The following STIM2 variants were observed in gnomAD, a reference collection of about 807,000 sequenced individuals.
The protein encoded by STIM2 is stromal interaction molecule 2.
Under a neutral mutation model 85.8 loss-of-function variants are expected in STIM2, and 31 were observed. That is an observed-to-expected ratio of 0.36 (90% CI 0.27 to 0.49). STIM2 has a LOEUF of 0.49. STIM2 is among the 20% of genes least tolerant of loss of function. The pLI is 0.98. For missense variants in STIM2, 841 were observed against 927.6 expected (o/e 0.91, Z 1.21); for synonymous variants, 356 against 331.1 (o/e 1.08, Z -0.82).
intron 2 of STIM2, among the ~76,000 whole-genome samples, chr4:26,944,126 A>G (rs1725723050): frequency 6.6e-6 from 1 of 152,056 alleles, no homozygotes; most frequent in Admixed American, 6.6e-5. Flanking sequence ...TGTTTTTATA[A>G]TTATTGTTTT....
At chr4:26,948,766 A>C (rs77538515) in intron 2 of STIM2, among the ~76,000 whole-genome samples, 2,558 of 152,156 alleles carry the variant, frequency 0.017, 78 homozygotes, top group African/African-American at 0.059. Flanking sequence ...TAAATTATGT[A>C]TTACTAATTC....
chr4:26,994,495 A>G (rs1727885453), intron 3 of STIM2, among the ~76,000 whole-genome samples: 1 of 152,130 alleles, frequency 6.6e-6, no homozygotes, highest in Admixed American at 6.6e-5. Flanking sequence ...CTAGGCAATT[A>G]TATAAGGAAT....
intron 7 of STIM2, among the ~76,000 whole-genome samples, chr4:27,006,302 T>A (rs1728329978): frequency 6.6e-6 from 1 of 152,222 alleles, no homozygotes; most frequent in Admixed American, 6.5e-5. Context: ...GCTGTTCTAT[T>A]TCTTTATCAG....
intron 3 of STIM2, among the ~76,000 whole-genome samples, chr4:26,985,155 T>C (rs1355413881): frequency 6.6e-6 from 1 of 152,198 alleles, no homozygotes; most frequent in African/African-American, 2.4e-5. Context: ...ATCTAAAGTC[T>C]CGTTCAGAAG....
intron 2 of STIM2, among the ~76,000 whole-genome samples, chr4:26,938,593 A>G (rs1725478556): frequency 6.6e-6 from 1 of 152,200 alleles, no homozygotes; most frequent in Non-Finnish European, 1.5e-5. Flanking sequence ...GTCACTGATC[A>G]CATAGTCTCA....
intron 3 of STIM2, among the ~76,000 whole-genome samples, chr4:26,975,305 T>C (rs1012122243): frequency 3.3e-5 from 5 of 152,232 alleles, no homozygotes; most frequent in Non-Finnish European, 2.9e-5. Flanking sequence ...TGCAATCCTT[T>C]GGAGGAGAAG....
intron 1 of STIM2, among the ~76,000 whole-genome samples, chr4:26,893,574 G>A (rs1375748029): frequency 6.6e-6 from 1 of 152,086 alleles, no homozygotes; most frequent in African/African-American, 2.4e-5. Context: ...TTTGTTTCTA[G>A]TTTTGACCTT....
Position 26,861,007 on chromosome 4 carries a change from C to G in STIM2, c.-212C>G. ...CCGGAGGCCGCCGGTGCCGATGGGA[C>G]CAGGCTGGCGCCCGGCGGGAGCCCG... On this transcript the variant is annotated 5_prime_UTR_variant, in exon 1 of 12. Coordinates refer to ENST00000467087, the MANE Select transcript of STIM2 (RefSeq NM_020860.4). 1 of 1,275,428 alleles carries G rather than the reference C, an allele frequency of 7.8e-7. No homozygotes were observed. Among genetic ancestry groups the G allele is most frequent in the South Asian group, 1.6e-5 (1 of 63,028 alleles). The allele number at this position is 1,275,428 out of a possible 1,614,324, so 79.0% of individuals were successfully genotyped here.
Position 27,002,352 on chromosome 4 carries a change from G to A in STIM2, c.761G>A (p.Ser254Asn). 1.2e-6 allele frequency: 2 copies of A among 1,612,556 alleles called. No individual in the cohort carries two copies. The highest frequency in any genetic ancestry group is 1.7e-6 in the Non-Finnish European group (2 of 1,179,586). The change falls in exon 6 of 12, where the codon AGC becomes AAC. Residue 254 changes from serine (S) to asparagine (N), a missense_variant. By Grantham distance (46) the Ser-to-Asn change is conservative. This residue lies in a region of STIM2 where 408 missense variants were observed against 525.4 expected (regional missense o/e 0.78). Transcript: ENST00000467087. ...GCAAAAATGATGAAAGATTTAGAGA[G>A]CTTACAAACTGCAGAGCAAAGTCTA... is the stretch of plus-strand genomic sequence containing the variant.
Position 27,022,664 on chromosome 4 carries a change from C to T in STIM2, c.1909C>T (p.Arg637Ter). The change falls in exon 12 of 12, where the codon CGA (arginine) becomes TGA (stop). Residue 637 changes from arginine to a stop codon, truncating the protein, a stop_gained. Coordinates refer to ENST00000467087, the MANE Select transcript of STIM2 (RefSeq NM_020860.4). LOFTEE classifies it high-confidence loss of function. ...TGAGGTGTCCCTAGAGGATTCCTCCCGAGGGGATTCGCCTGTAACTGTGGA... is the reference window on the plus strand; with the variant it reads ...TGAGGTGTCCCTAGAGGATTCCTCCTGAGGGGATTCGCCTGTAACTGTGGA... The T allele has an allele frequency of 8.1e-6, 13 of 1,614,170 alleles. No individual in the cohort carries two copies. The highest frequency in any genetic ancestry group is 1.0e-5 in the Non-Finnish European group (12 of 1,180,032).
chr4:26,967,356 G>A lies in STIM2; in HGVS notation c.397+9630G>A, dbSNP rs77355012. 4.5e-3 allele frequency among the ~76,000 whole-genome samples: 682 copies of A among 152,256 alleles called. 4 individuals are homozygous for A. Among genetic ancestry groups the A allele is most frequent in the Non-Finnish European group, 7.5e-3 (508 of 68,022 alleles). On this transcript the variant is annotated intron_variant, in intron 3 of 11. Transcript: ENST00000467087. ...AAGGAAAGGGAGAGAGTAGCCTTGG[G>A]GAAGACTGGCATTAAGGCAAAGGCA... is the stretch of plus-strand genomic sequence containing the variant.
At chr4:26,875,780 C>T (rs920768657) in intron 1 of STIM2, among the ~76,000 whole-genome samples, 1 of 152,078 alleles carries the variant, frequency 6.6e-6, no homozygotes, top group African/African-American at 2.4e-5. Flanking sequence ...AATTGAAAAA[C>T]AGACCTTTGG....
In STIM2 at chr4:26,938,972, A is replaced by G. The variant is rs180789013; in HGVS notation, c.283-18640A>G. On this transcript the variant is annotated intron_variant, in intron 2 of 11. Coordinates refer to ENST00000467087, the MANE Select transcript of STIM2 (RefSeq NM_020860.4). Reference sequence around the variant, plus strand: ...TTCAGTTTTGAGCCGTGGAAGCTGAAAGAGGCTCTCTGCATACATTCTTGA... The same window carrying G: ...TTCAGTTTTGAGCCGTGGAAGCTGAGAGAGGCTCTCTGCATACATTCTTGA... 4.5e-3 allele frequency among the ~76,000 whole-genome samples: 690 copies of G among 152,206 alleles called. 8 individuals are homozygous for G. The highest frequency in any genetic ancestry group is 0.016 in the African/African-American group (669 of 41,514).
chr4:26,881,686 A>G (rs1723021691), intron 1 of STIM2: 1 of 152,330 alleles, frequency 6.6e-6, no homozygotes, highest in East Asian at 1.9e-4. Flanking sequence ...GTGGACTAAG[A>G]CAAGTTGCAA....
At chr4:26,943,366 A>G (rs547503905) in intron 2 of STIM2, among the ~76,000 whole-genome samples, 1 of 152,232 alleles carries the variant, frequency 6.6e-6, no homozygotes, top group South Asian at 2.1e-4. Flanking sequence ...GCTTGTGTGT[A>G]TGTTTAGTAT....
At chr4:26,950,557 C>A (rs1248849753) in intron 2 of STIM2, among the ~76,000 whole-genome samples, 1 of 152,114 alleles carries the variant, frequency 6.6e-6, no homozygotes, top group African/African-American at 2.4e-5. Context: ...AGTGGGTGCT[C>A]TTTTATGCCC....
intron 3 of STIM2, among the ~76,000 whole-genome samples, chr4:26,959,792 C>T (rs1001658977): frequency 1.3e-5 from 2 of 151,560 alleles, no homozygotes; most frequent in Non-Finnish European, 2.9e-5. Context: ...TCACCTTAAT[C>T]TGAGATCTAA....
chr4:26,898,599 C>T (rs1233815638), intron 1 of STIM2, among the ~76,000 whole-genome samples: 1 of 152,082 alleles, frequency 6.6e-6, no homozygotes, highest in Non-Finnish European at 1.5e-5. Context: ...GCTGGACTGT[C>T]AAGAACTTTG....
chr4:26,982,044 A>G (rs1036657310), intron 3 of STIM2, among the ~76,000 whole-genome samples: 3 of 151,600 alleles, frequency 2.0e-5, no homozygotes, highest in African/African-American at 7.3e-5. Context: ...TAGTTCTAGC[A>G]TCTATAAATT....
Sources: gnomAD v4.1 joint callset for allele counts (sites outside exome capture counted in the v4.1 genomes callset) on GRCh38, gnomAD v4.1.1 for gene constraint, gnomAD v4.1.1 regional missense constraint, MANE v1.5 for transcripts, NCBI Gene and HGNC (gene_info 2026-07-23, HGNC 2026-07-21) for gene names.